Variants in KLRG1 observed in about 807,000 individuals in gnomAD.
KLRG1 encodes killer cell lectin-like receptor subfamily G member 1.
KLRG1 carries 16 observed loss-of-function variants against 21.8 expected under a neutral mutation model. That is an observed-to-expected ratio of 0.73 (90% CI 0.50 to 1.11). The LOEUF is 1.11. Ranked by LOEUF, KLRG1 falls within the 50% of genes most tolerant of loss-of-function variation. The pLI, the probability that KLRG1 is intolerant of heterozygous loss-of-function variation, is 0.00. For synonymous variants in KLRG1, 69 were observed against 75.9 expected (o/e 0.91, Z 0.47); for missense variants, 173 against 218.3 (o/e 0.79, Z 1.31).
chr12:9,017,708 A>T, the KLRG1 span, among the ~76,000 whole-genome samples: 1 of 152,196 alleles, frequency 6.6e-6, no homozygotes, highest in Non-Finnish European at 1.5e-5. Context: ...CTGGAACATG[A>T]CAAGGATGCC....
chr12:9,061,102 T>G, the KLRG1 span, among the ~76,000 whole-genome samples: 1 of 152,186 alleles, frequency 6.6e-6, no homozygotes, highest in Admixed American at 6.5e-5. Context: ...GTATTCCAAG[T>G]AAAGCTTTTT....
chr12:9,118,084 AG>A, the KLRG1 span, among the ~76,000 whole-genome samples: 2 of 152,220 alleles, frequency 1.3e-5, no homozygotes, highest in South Asian at 2.1e-4. Context: ...AAAAAATGAA[AG>A]AGAATATAAT....
chr12:9,063,255 A>G, the KLRG1 span, among the ~76,000 whole-genome samples: 2 of 152,120 alleles, frequency 1.3e-5, no homozygotes, highest in Non-Finnish European at 2.9e-5. Flanking sequence ...CAAATATTCT[A>G]TTTCTTTCCA....
chr12:9,117,060 G>A, the KLRG1 span, among the ~76,000 whole-genome samples: 2 of 152,128 alleles, frequency 1.3e-5, no homozygotes, highest in East Asian at 3.8e-4. Flanking sequence ...TCTGAAGTAT[G>A]AGTAGTGGTT....
At chr12:8,976,154 T>A (rs1437812959) in intron 1 of KLRG1, among the ~76,000 whole-genome samples, 1 of 152,176 alleles carries the variant, frequency 6.6e-6, no homozygotes, top group Non-Finnish European at 1.5e-5. Flanking sequence ...TAAGTTTTGG[T>A]ATTTTGTGTT....
At chr12:9,161,611 A>G in the KLRG1 span, among the ~76,000 whole-genome samples, 44,505 of 152,050 alleles carry the variant, frequency 0.29, 7,542 homozygotes, top group Admixed American at 0.41. Flanking sequence ...ACTTATAACC[A>G]TGATAATACA....
At chr12:9,031,199 T>A in the KLRG1 span, among the ~76,000 whole-genome samples, 1 of 152,194 alleles carries the variant, frequency 6.6e-6, no homozygotes, top group Non-Finnish European at 1.5e-5. Context: ...CCCTTTGTCT[T>A]CAGAGCTGAA....
At chr12:9,073,701 G>C in the KLRG1 span, among the ~76,000 whole-genome samples, 1 of 152,122 alleles carries the variant, frequency 6.6e-6, no homozygotes, top group East Asian at 1.9e-4. Flanking sequence ...TCAATGAATT[G>C]TTCAGATACA....
chr12:8,986,711 G>A (rs1946846979), upstream of KLRG1, among the ~76,000 whole-genome samples: 4 of 152,042 alleles, frequency 2.6e-5, no homozygotes, highest in Admixed American at 2.6e-4. Context: ...GTTGCCTTCT[G>A]ATGTGGTTTG....
At chr12:9,055,059 C>T in the KLRG1 span, among the ~76,000 whole-genome samples, 1 of 152,218 alleles carries the variant, frequency 6.6e-6, no homozygotes, top group African/African-American at 2.4e-5. Context: ...GATTCTGTCA[C>T]ACACATAAAA....
At chr12:9,180,650 C>A in the KLRG1 span, among the ~76,000 whole-genome samples, 1 of 152,174 alleles carries the variant, frequency 6.6e-6, no homozygotes, top group South Asian at 2.1e-4. Context: ...AAAATCAATT[C>A]AAGATGGATT....
the KLRG1 span, chr12:9,077,046 C>T: frequency 7.7e-4 from 734 of 950,188 alleles, 1 homozygote; most frequent in East Asian, 3.1e-3. Flanking sequence ...ATTTTTCCAA[C>T]GATTCCTCAT....
the KLRG1 span, among the ~76,000 whole-genome samples, chr12:9,210,525 C>T: frequency 6.6e-6 from 1 of 152,164 alleles, no homozygotes; most frequent in Non-Finnish European, 1.5e-5. Flanking sequence ...TGCCCTTAAA[C>T]ACAGAATTGC....
the KLRG1 span, chr12:9,157,677 A>T: frequency 8.5e-7 from 1 of 1,178,766 alleles, no homozygotes; most frequent in Non-Finnish European, 1.2e-6. Context: ...GAACCAAAAG[A>T]TACTTGAGAC....
chr12:9,067,776 G>A, the KLRG1 span: 11 of 1,594,458 alleles, frequency 6.9e-6, no homozygotes, highest in Admixed American at 1.0e-4. Context: ...CTTCTGTGGA[G>A]CTCTGAGAAC....
chr12:9,202,681 G>A, the KLRG1 span: 3 of 1,612,980 alleles, frequency 1.9e-6, no homozygotes, highest in East Asian at 4.5e-5. Context: ...GAGATCCTTG[G>A]GAGCTAAAAA....
chr12:9,157,157 A>T, the KLRG1 span: 1 of 1,607,058 alleles, frequency 6.2e-7, no homozygotes. Context: ...TTCAGCTCCC[A>T]CTTATAAGTG....
chr12:9,090,036 G>C, the KLRG1 span: 3 of 1,581,894 alleles, frequency 1.9e-6, no homozygotes, highest in African/African-American at 1.3e-5. Context: ...GAAAAAAAAG[G>C]CCAGTAGAAA....
the KLRG1 span, among the ~76,000 whole-genome samples, chr12:9,140,488 C>T: frequency 6.6e-6 from 1 of 152,096 alleles, no homozygotes; most frequent in African/African-American, 2.4e-5. Flanking sequence ...CTGCCAGTAA[C>T]CGTTATTAAA....
Sources: allele counts gnomAD v4.1 joint callset (sites outside exome capture counted in the v4.1 genomes callset), GRCh38; gene constraint gnomAD v4.1.1; transcripts MANE v1.5; gene names NCBI Gene and HGNC (gene_info 2026-07-23, HGNC 2026-07-21).